Variants in GRM8 observed in about 807,000 individuals in gnomAD.
GRM8 encodes the protein metabotropic glutamate receptor 8.
A neutral mutation model predicts 87.2 loss-of-function variants in GRM8; 47 were observed. The ratio of observed to expected loss-of-function variants is 0.54; its 90% CI spans 0.43 to 0.69. The LOEUF (loss-of-function observed/expected upper bound fraction) is 0.69. GRM8 is among the 30% of genes least tolerant of loss of function. The pLI, the probability that GRM8 is intolerant of heterozygous loss-of-function variation, is 0.00. For missense variants in GRM8, 1,019 were observed against 1,139.2 expected, an observed-to-expected ratio of 0.89 and a Z score of 1.52; for synonymous variants, 396 against 404.5, an observed-to-expected ratio of 0.98 and a Z score of 0.25.
chr7:126,496,950 A>T (rs997168994), intron 9 of GRM8, among the ~76,000 whole-genome samples: 1 of 148,050 alleles, frequency 6.8e-6, no homozygotes, highest in African/African-American at 2.5e-5. Flanking sequence ...CTTTATTCAT[A>T]ATAAGAGAAT....
intron 7 of GRM8, among the ~76,000 whole-genome samples, chr7:126,687,710 A>G (rs1808343343): frequency 6.6e-6 from 1 of 151,240 alleles, no homozygotes; most frequent in African/African-American, 2.4e-5. Context: ...CATGCCTCAC[A>G]ACAGTGTGCA....
At chr7:127,128,908 A>G (rs1004919180) in intron 2 of GRM8, among the ~76,000 whole-genome samples, 2 of 152,168 alleles carry the variant, frequency 1.3e-5, no homozygotes, top group African/African-American at 4.8e-5. Flanking sequence ...CCAGCAAACA[A>G]CTGAACAATA....
intron 2 of GRM8, among the ~76,000 whole-genome samples, chr7:127,141,731 G>T (rs921513551): frequency 6.6e-6 from 1 of 152,146 alleles, no homozygotes; most frequent in Admixed American, 6.6e-5. Flanking sequence ...TTCAGCATCT[G>T]TATGGAGAAG....
chr7:126,973,949 T>C (rs1359981629), intron 3 of GRM8, among the ~76,000 whole-genome samples: 1 of 152,148 alleles, frequency 6.6e-6, no homozygotes, highest in Non-Finnish European at 1.5e-5. Flanking sequence ...GTATCCCTAA[T>C]CCAAAGATCT....
intron 9 of GRM8, among the ~76,000 whole-genome samples, chr7:126,492,237 G>C (rs1808103150): frequency 6.6e-6 from 1 of 151,790 alleles, no homozygotes; most frequent in Non-Finnish European, 1.5e-5. Flanking sequence ...CTTTTTTAGA[G>C]ACGGGGTTTC....
chr7:127,036,233 G>T (rs1380653713), intron 3 of GRM8, among the ~76,000 whole-genome samples: 1 of 152,012 alleles, frequency 6.6e-6, no homozygotes. Context: ...AGGTATAGAG[G>T]AGCTAAGGAA....
chr7:126,832,847 G>C (rs988764422), intron 6 of GRM8, among the ~76,000 whole-genome samples: 2 of 152,140 alleles, frequency 1.3e-5, no homozygotes, highest in Non-Finnish European at 2.9e-5. Context: ...AGCATATGTT[G>C]AATAGCTGTA....
intron 7 of GRM8, among the ~76,000 whole-genome samples, chr7:126,619,075 G>A (rs995219381): frequency 2.0e-5 from 3 of 152,140 alleles, no homozygotes; most frequent in South Asian, 2.1e-4. Flanking sequence ...ACTTGCACAC[G>A]TATGTTTATT....
intron 3 of GRM8, among the ~76,000 whole-genome samples, chr7:126,998,759 A>C (rs1813424987): frequency 1.3e-5 from 2 of 151,754 alleles, no homozygotes; most frequent in Non-Finnish European, 3.0e-5. Context: ...AAGACATTGA[A>C]GATACAAAAA....
At chr7:126,999,597 C>T (rs1456630291) in intron 3 of GRM8, among the ~76,000 whole-genome samples, 3 of 151,734 alleles carry the variant, frequency 2.0e-5, no homozygotes, top group East Asian at 3.9e-4. Flanking sequence ...ACAGACATTT[C>T]TCAAAAGAAG....
intron 7 of GRM8, among the ~76,000 whole-genome samples, chr7:126,703,663 G>C (rs902740858): frequency 6.6e-6 from 1 of 152,116 alleles, no homozygotes; most frequent in Admixed American, 6.5e-5. Context: ...GGCCTTGAGC[G>C]ACCCTCTTGC....
intron 6 of GRM8, among the ~76,000 whole-genome samples, chr7:126,854,298 T>C (rs1797482199): frequency 1.3e-5 from 2 of 152,318 alleles, no homozygotes; most frequent in South Asian, 2.1e-4. Context: ...GCTTTTTCTT[T>C]TGCCACTGCC....
At chr7:126,626,727 G>A (rs1326120103) in intron 7 of GRM8, among the ~76,000 whole-genome samples, 3 of 152,126 alleles carry the variant, frequency 2.0e-5, no homozygotes, top group Non-Finnish European at 2.9e-5. Flanking sequence ...CATATAAAAT[G>A]TAGAACAATC....
At chr7:126,537,236 T>C (rs957076822) in intron 8 of GRM8, among the ~76,000 whole-genome samples, 3 of 152,248 alleles carry the variant, frequency 2.0e-5, no homozygotes, top group Non-Finnish European at 2.9e-5. Context: ...ACTGTAATGT[T>C]ATAGTTTACA....
intron 3 of GRM8, among the ~76,000 whole-genome samples, chr7:126,987,617 C>T (rs1182318236): frequency 1.3e-5 from 2 of 152,002 alleles, no homozygotes; most frequent in Admixed American, 1.3e-4. Context: ...CCTGCCACCA[C>T]GCCCGGCTAA....
rs192433839 is a variant in GRM8, at chr7:126,685,127, G to A, written c.1358-75629C>T. Among the ~76,000 whole-genome samples the A allele has an allele frequency of 3.4e-3, 516 of 152,298 alleles. 4 individuals carry two copies. The highest frequency in any genetic ancestry group is 3.8e-3 in the Admixed American group (58 of 15,302). ...AGTACCCACTCCAGGCCCCGGCCCC[G>A]CTTGCCACTCTTGACAGCCACTGCT... On this transcript the variant is annotated intron_variant, in intron 7 of 10. Transcript: ENST00000339582. The surrounding 1 kb of genome is among the most constrained non-coding windows in gnomAD (Gnocchi z 4.2).
At chr7:126,585,752 T>C (rs1319326811) in intron 8 of GRM8, among the ~76,000 whole-genome samples, 2 of 152,110 alleles carry the variant, frequency 1.3e-5, no homozygotes, top group African/African-American at 2.4e-5. Context: ...CTGGAAGCAT[T>C]CCCTTTGAAA....
At chr7:126,863,829 T>G (rs1010229564) in intron 6 of GRM8, among the ~76,000 whole-genome samples, 24 of 152,120 alleles carry the variant, frequency 1.6e-4, no homozygotes, top group African/African-American at 5.5e-4. Context: ...TCATAATGCA[T>G]ATTTGATATC....
chr7:127,076,768 TG>T (rs1822310779), intron 3 of GRM8, among the ~76,000 whole-genome samples: 1 of 152,192 alleles, frequency 6.6e-6, no homozygotes, highest in South Asian at 2.1e-4. Context: ...TGGGCTGGTC[TG>T]GCTCAAACTC....
Sources: allele counts gnomAD v4.1 joint callset (sites outside exome capture counted in the v4.1 genomes callset), GRCh38; gene constraint gnomAD v4.1.1; non-coding constraint Gnocchi (gnomAD v3.1); transcripts MANE v1.5; gene names NCBI Gene and HGNC (gene_info 2026-07-23, HGNC 2026-07-21).